Variants in PIGR observed in about 807,000 individuals in gnomAD.
PIGR encodes hepatocellular carcinoma associated protein TB6.
PIGR carries 22 observed loss-of-function variants against 69.5 expected under a neutral mutation model. The observed-to-expected ratio is 0.32, with a 90% confidence interval of 0.23 to 0.45. The LOEUF (loss-of-function observed/expected upper bound fraction) is 0.45. PIGR is among the 20% of genes least tolerant of loss of function. PIGR has a pLI of 1.00. For missense variants in PIGR, 885 were observed against 974.0 expected, an observed-to-expected ratio of 0.91 and a Z score of 1.22; for synonymous variants, 413 against 407.6, an observed-to-expected ratio of 1.01 and a Z score of -0.16.
chr1:206,937,200 C>A lies in PIGR; in HGVS notation c.940G>T (p.Gly314Cys). The change falls in exon 4 of 11, where the codon GGC becomes TGC. Residue 314 changes from glycine (G) to cysteine (C), a missense_variant. Gly to Cys is a radical substitution (Grantham distance 159, BLOSUM62 -3). Coordinates refer to ENST00000356495, the MANE Select transcript of PIGR (RefSeq NM_002644.4). ...CGCCCTGCATCCTCCTTCCTCAGGC[C>A]TGTGATCACCACACTGAATGAGCCA... ...KDGSFSVVIT[G>C]LRKEDAGRYL... 6.2e-7 allele frequency: 1 copy of A among 1,614,232 alleles called. No homozygotes were observed. Among genetic ancestry groups the A allele is most frequent in the South Asian group, 1.1e-5 (1 of 91,082 alleles).
In PIGR at chr1:206,934,310, T is replaced by C. The variant is rs1572643222; in HGVS notation, c.1705+110A>G. The C allele has an allele frequency of 3.2e-6, 3 of 949,024 alleles. No individual in the cohort carries two copies. The Admixed American group carries it at 7.8e-5, about 25-fold the overall frequency. The allele number at this position is 949,024 out of a possible 1,614,324, so 58.8% of individuals were successfully genotyped here. A position where few individuals can be genotyped will look rare whatever the true frequency, so the allele number is the denominator to read the frequency against. ...CTTCCCACTCTCCACTTTCAGCCTC[T>C]TACAGCCAAACATAGGGGCCAGCAC... On this transcript the variant is annotated intron_variant, in intron 6 of 10. Coordinates refer to ENST00000356495, the MANE Select transcript of PIGR (RefSeq NM_002644.4).
Position 206,935,423 on chromosome 1 carries a change from G to T in PIGR, c.1378+63C>A. 7.2e-7 allele frequency: 1 copy of T among 1,379,780 alleles called. No homozygotes were observed. The highest frequency in any genetic ancestry group is 1.0e-6 in the Non-Finnish European group (1 of 991,362). The allele number at this position is 1,379,780 out of a possible 1,614,324, so 85.5% of individuals were successfully genotyped here. A position where few individuals can be genotyped will look rare whatever the true frequency, so the allele number is the denominator to read the frequency against. On this transcript the variant is annotated intron_variant, in intron 5 of 10. Coordinates refer to ENST00000356495, the MANE Select transcript of PIGR (RefSeq NM_002644.4). The surrounding 1 kb of genome is among the most constrained non-coding windows in gnomAD (Gnocchi z 4.4). ...GGCGGGTGAAAAAGGAGGAAGAGTG[G>T]TTGGGGATGCTGCTGCTGGCTGGAG...
At position 206,933,144 on chromosome 1, in the gene PIGR, C is replaced by T. The variant is rs1322862508; in HGVS notation, c.1728G>A (p.Ala576=). Residue 576 remains alanine, a synonymous_variant, in exon 7 of 11, where the codon GCG becomes GCA. Coordinates refer to ENST00000356495, the MANE Select transcript of PIGR (RefSeq NM_002644.4). ...TCTCATCAGGAGCAGCGTCTGCCTT[C>T]GCTAGGCTGACATCGCGGGACCCTG... ...KAAGSRDVSL[A]KADAAPDEKV... is the part of the protein sequence containing the mutation. The T allele has an allele frequency of 6.2e-6, 10 of 1,614,068 alleles. No homozygotes were observed. Among genetic ancestry groups the T allele is most frequent in the South Asian group, 2.2e-5 (2 of 91,086 alleles).
intron 3 of PIGR, among the ~76,000 whole-genome samples, chr1:206,938,160 A>G (rs1679905201): frequency 6.6e-6 from 1 of 152,254 alleles, no homozygotes; most frequent in South Asian, 2.1e-4. Context: ...ATGAATGTAA[A>G]TGCAGGGTGA....
At position 206,930,877 on chromosome 1, in the gene PIGR, A is replaced by G; in HGVS notation, c.2200-464T>C. ...AGAGATGTTTCAAGAAAAAGTAGATATGATAAAAACAACAACAACAACAAC... is the reference window on the plus strand; with the variant it reads ...AGAGATGTTTCAAGAAAAAGTAGATGTGATAAAAACAACAACAACAACAAC... On this transcript the variant is annotated intron_variant, in intron 10 of 10. Transcript: ENST00000356495. This position sits in a 1 kb window ranked among gnomAD's most constrained non-coding sequence, Gnocchi z 4.3. 1 of 985,452 alleles carries G rather than the reference A, an allele frequency of 1.0e-6. No individual in the cohort carries two copies. The highest frequency in any genetic ancestry group is 1.2e-6 in the Non-Finnish European group (1 of 829,930). The allele number at this position is 985,452 out of a possible 1,614,324, so 61.0% of individuals were successfully genotyped here.
At position 206,939,470 on chromosome 1, in the gene PIGR, G is replaced by C. The variant is rs1443533762; in HGVS notation, c.44-7C>G. On this transcript the variant is annotated splice_polypyrimidine_tract_variant and splice_region_variant and intron_variant, in intron 2 of 10. Coordinates refer to ENST00000356495, the MANE Select transcript of PIGR (RefSeq NM_002644.4). ...GGACTCTTCGTGGAGATGGCTGTGG[G>C]AACAGAAGAGAGAGGCTTTCTGAGG... 1.9e-6 allele frequency: 3 copies of C among 1,578,006 alleles called. No homozygotes were observed. Among genetic ancestry groups the C allele is most frequent in the East Asian group, 4.5e-5 (2 of 44,404 alleles).
chr1:206,935,914 G>C lies in PIGR; in HGVS notation c.1046-96C>G. 2.3e-6 allele frequency: 2 copies of C among 868,276 alleles called. No homozygotes were observed. Among genetic ancestry groups the C allele is most frequent in the Non-Finnish European group, 3.6e-6 (2 of 556,854 alleles). The allele number at this position is 868,276 out of a possible 1,614,324, so 53.8% of individuals were successfully genotyped here. A position where few individuals can be genotyped will look rare whatever the true frequency, so the allele number is the denominator to read the frequency against. ...TTCTTCCCGGGGTCTCAGCCAGGAT[G>C]GGGAGTGAAGTTTACACGCATCACC... On this transcript the variant is annotated intron_variant, in intron 4 of 10. Transcript: ENST00000356495. The surrounding 1 kb of genome is among the most constrained non-coding windows in gnomAD (Gnocchi z 4.4).
rs755093390 is a variant in PIGR at position 206,933,140 on chromosome 1, C to G, written c.1732G>C (p.Ala578Pro). The G allele has an allele frequency of 1.2e-6, 2 of 1,614,198 alleles. No homozygotes were observed. Among genetic ancestry groups the G allele is most frequent in the South Asian group, 1.1e-5 (1 of 91,078 alleles). Reference protein sequence around the residue: ...AGSRDVSLAKADAAPDEKVLD... With the variant: ...AGSRDVSLAKPDAAPDEKVLD... Reference sequence around the variant, plus strand: ...ACCTTCTCATCAGGAGCAGCGTCTGCCTTCGCTAGGCTGACATCGCGGGAC... The same window carrying G: ...ACCTTCTCATCAGGAGCAGCGTCTGGCTTCGCTAGGCTGACATCGCGGGAC... Residue 578 changes from alanine to proline, a missense_variant, in exon 7 of 11, where the codon GCA becomes CCA. Coordinates refer to ENST00000356495, the MANE Select transcript of PIGR (RefSeq NM_002644.4).
Position 206,937,176 on chromosome 1 carries a change from G to A in PIGR, c.964C>T (p.Arg322Cys), listed in dbSNP as rs369292175. Residue 322 changes from arginine to cysteine, a missense_variant, in exon 4 of 11, where the codon CGC becomes TGC. Physicochemically the swap from Arg to Cys is radical, Grantham distance 180. Transcript: ENST00000356495. The stretch of plus-strand genomic sequence containing the variant: ...TCCGAATGGGCTCCACACAGGTAGC[G>A]CCCTGCATCCTCCTTCCTCAGGCCT... ...ITGLRKEDAG[R>C]YLCGAHSDGQ... The A allele has an allele frequency of 3.2e-5, 52 of 1,613,976 alleles. No individual in the cohort carries two copies. Among genetic ancestry groups the A allele is most frequent in the Non-Finnish European group, 4.2e-5 (49 of 1,179,998 alleles).
chr1:206,939,716 T>C (rs1040341012), intron 2 of PIGR, among the ~76,000 whole-genome samples: 1 of 152,180 alleles, frequency 6.6e-6, no homozygotes, highest in Non-Finnish European at 1.5e-5. Context: ...ATAACCCTTG[T>C]TTTTTATTTT....
At chr1:206,943,757 A>T (rs1027609733) in intron 1 of PIGR, among the ~76,000 whole-genome samples, 3 of 152,184 alleles carry the variant, frequency 2.0e-5, no homozygotes, top group African/African-American at 7.2e-5. Flanking sequence ...TCCTTTGAAG[A>T]TAGAGAGATG....
intron 1 of PIGR, among the ~76,000 whole-genome samples, chr1:206,941,816 C>T (rs891524094): frequency 2.6e-5 from 4 of 152,210 alleles, no homozygotes; most frequent in African/African-American, 9.7e-5. Flanking sequence ...ACAGAAGTCT[C>T]CACTTTCCCA....
chr1:206,946,145 C>T (rs1295904286), intron 1 of PIGR, among the ~76,000 whole-genome samples, 191 bp downstream of exon 1: 3 of 152,150 alleles, frequency 2.0e-5, no homozygotes. Flanking sequence ...ACACGTGCAT[C>T]CCTACTCGTC....
In PIGR at chr1:206,935,738, T is replaced by TA; in HGVS notation, c.1125dup (p.Lys376Ter). 1.2e-6 allele frequency: 2 copies of TA among 1,614,080 alleles called. No individual in the cohort carries two copies. The highest frequency in any genetic ancestry group is 1.7e-6 in the Non-Finnish European group (2 of 1,179,978). On this transcript the variant is annotated frameshift_variant, in exon 5 of 11. Transcript: ENST00000356495. LOFTEE classifies it high-confidence loss of function. The surrounding 1 kb of genome is among the most constrained non-coding windows in gnomAD (Gnocchi z 4.4). The stretch of plus-strand genomic sequence containing the variant: ...CAGTACTTGATGCTTTTGCTTTCCT[T>TA]ACGGTTGTAGGGGCAGAGCACGGCC...
rs761979881 is a variant in PIGR at position 206,937,501 on chromosome 1, G to T, written c.639C>A (p.Ser213Arg). The change falls in exon 4 of 11, where the codon AGC becomes AGA. Residue 213 changes from serine to arginine, a missense_variant. Ser to Arg is a moderately radical substitution (Grantham distance 110, BLOSUM62 -1). Coordinates refer to ENST00000356495, the MANE Select transcript of PIGR (RefSeq NM_002644.4). ...FSVVINQLRL[S>R]DAGQYLCQAG... ...CCTGGCAGAGATACTGCCCAGCATCGCTGAGCCTGAGTTGGTTGATGACAA... is the reference window on the plus strand; with the variant it reads ...CCTGGCAGAGATACTGCCCAGCATCTCTGAGCCTGAGTTGGTTGATGACAA... The T allele has an allele frequency of 1.4e-5, 22 of 1,614,168 alleles. No individual in the cohort carries two copies. In the African/African-American group the frequency reaches 2.4e-4, roughly 18 times the overall value.
chr1:206,931,391 T>C, intron 10 of PIGR, 106 bp downstream of exon 10: 3 of 1,609,274 alleles, frequency 1.9e-6, no homozygotes, highest in South Asian at 1.1e-5. Flanking sequence ...ATCCTCCCTA[T>C]TCTGGGATCG....
chr1:206,938,502 G>A (rs564380825), intron 3 of PIGR, among the ~76,000 whole-genome samples: 3 of 152,262 alleles, frequency 2.0e-5, no homozygotes, highest in African/African-American at 7.2e-5. Context: ...AGTTGCCCTT[G>A]ACTATCTAAA....
rs762194811 is a variant in PIGR at position 206,930,536 on chromosome 1, G to A, written c.2200-123C>T. The A allele has an allele frequency of 8.7e-6, 12 of 1,383,800 alleles. No homozygotes were observed. The highest frequency in any genetic ancestry group is 3.0e-5 in the Admixed American group (1 of 32,898). The allele number at this position is 1,383,800 out of a possible 1,614,324, so 85.7% of individuals were successfully genotyped here. A position where few individuals can be genotyped will look rare whatever the true frequency, so the allele number is the denominator to read the frequency against. ...GGTCCAAGCAACACAAGCCTTTGGG[G>A]CCCACTGTTCTCATCCCAGCCCCCA... is the stretch of plus-strand genomic sequence containing the variant. On this transcript the variant is annotated intron_variant, in intron 10 of 10. Transcript: ENST00000356495. This position sits in a 1 kb window ranked among gnomAD's most constrained non-coding sequence, Gnocchi z 4.3.
At chr1:206,936,267 C>T (rs1359733569) in intron 4 of PIGR, among the ~76,000 whole-genome samples, 1 of 152,106 alleles carries the variant, frequency 6.6e-6, no homozygotes, top group African/African-American at 2.4e-5. Context: ...AAGTATGTAG[C>T]AAAGGTGAGC....
Sources: gnomAD v4.1 joint callset for allele counts (sites outside exome capture counted in the v4.1 genomes callset) on GRCh38, gnomAD v4.1.1 for gene constraint, Gnocchi (gnomAD v3.1) non-coding constraint, MANE v1.5 for transcripts, NCBI Gene and HGNC (gene_info 2026-07-23, HGNC 2026-07-21) for gene names.